Variants in SPAG16 observed in about 807,000 individuals in gnomAD.
SPAG16 encodes the protein sperm-associated antigen 16 protein.
In SPAG16, 86 loss-of-function variants were observed where a neutral mutation model predicts 80.4. The ratio of observed to expected loss-of-function variants is 1.07; its 90% CI spans 0.90 to 1.28. The LOEUF (loss-of-function observed/expected upper bound fraction) is 1.28. Ranked by LOEUF, SPAG16 falls within the 50% of genes most tolerant of loss-of-function variation. The pLI is 0.00. For missense variants in SPAG16, 870 were observed against 765.3 expected, an observed-to-expected ratio of 1.14 and a Z score of -1.61; for synonymous variants, 294 against 265.9, an observed-to-expected ratio of 1.11 and a Z score of -1.03.
chr2:213,328,936 A>T (rs923954586), intron 5 of SPAG16, among the ~76,000 whole-genome samples: 8 of 152,052 alleles, frequency 5.3e-5, no homozygotes, highest in Non-Finnish European at 8.8e-5. Context: ...CCTGATAGGG[A>T]ATAATAAGTC....
intron 10 of SPAG16, among the ~76,000 whole-genome samples, chr2:213,721,388 C>A (rs1239373512): frequency 6.6e-6 from 1 of 152,132 alleles, no homozygotes; most frequent in Admixed American, 6.5e-5. Flanking sequence ...CGTAAGCCAC[C>A]GCGCCTGGCC....
At chr2:214,175,597 C>T (rs1390094650) in intron 15 of SPAG16, among the ~76,000 whole-genome samples, 3 of 151,198 alleles carry the variant, frequency 2.0e-5, no homozygotes, top group African/African-American at 7.3e-5. Context: ...CATGGGAAGA[C>T]ACCTCAAAGC....
intron 14 of SPAG16, among the ~76,000 whole-genome samples, chr2:214,126,535 T>A: frequency 6.6e-6 from 1 of 151,774 alleles, no homozygotes; most frequent in Non-Finnish European, 1.5e-5. Flanking sequence ...ATCAACTTTA[T>A]GTATATAATG....
intron 10 of SPAG16, among the ~76,000 whole-genome samples, chr2:213,577,197 A>AG (rs2060156689): frequency 6.6e-6 from 1 of 152,160 alleles, no homozygotes; most frequent in African/African-American, 2.4e-5. Flanking sequence ...TGAAAGAAAA[A>AG]GGGAATTAAA....
chr2:213,577,665 A>G (rs962834973), intron 10 of SPAG16, among the ~76,000 whole-genome samples: 21 of 152,162 alleles, frequency 1.4e-4, no homozygotes, highest in African/African-American at 4.3e-4. Flanking sequence ...CTCTGATATT[A>G]GTCATTAAAA....
At chr2:213,799,854 T>C (rs1327868143) in intron 10 of SPAG16, among the ~76,000 whole-genome samples, 3 of 150,714 alleles carry the variant, frequency 2.0e-5, no homozygotes, top group Non-Finnish European at 4.4e-5. Context: ...AGGAAACATA[T>C]AACTACTATA....
intron 15 of SPAG16, among the ~76,000 whole-genome samples, chr2:214,370,404 C>A (rs1307543725): frequency 6.6e-6 from 1 of 152,126 alleles, no homozygotes; most frequent in Non-Finnish European, 1.5e-5. Flanking sequence ...CAGCAGTGCT[C>A]ACCATAACAT....
rs543869040 is a variant in SPAG16 at position 214,157,955 on chromosome 2, C to T, written c.1720+8689C>T. On this transcript the variant is annotated intron_variant, in intron 15 of 15. Coordinates refer to ENST00000331683, the MANE Select transcript of SPAG16 (RefSeq NM_024532.5). ...ATACCCACAAATCTTTTCTCTGAGT[C>T]TAGACTGAATTTTCAGAAACATCGA... is the stretch of plus-strand genomic sequence containing the variant. Among the ~76,000 whole-genome samples the T allele has an allele frequency of 3.2e-3, 490 of 152,134 alleles. 1 individual carries two copies. The highest frequency in any genetic ancestry group is 5.2e-3 in the Non-Finnish European group (354 of 67,972).
intron 13 of SPAG16, among the ~76,000 whole-genome samples, chr2:214,067,535 G>A (rs1027788278): frequency 1.3e-5 from 2 of 151,838 alleles, no homozygotes; most frequent in African/African-American, 2.4e-5. Context: ...GGTAATTCAG[G>A]AGAGGTATTA....
intron 15 of SPAG16, among the ~76,000 whole-genome samples, chr2:214,369,695 G>A (rs189202377): frequency 2.0e-5 from 3 of 152,010 alleles, no homozygotes; most frequent in East Asian, 3.9e-4. Flanking sequence ...TAAATCATGA[G>A]GTTATGAACT....
chr2:213,425,230 G>C (rs2069837943), intron 9 of SPAG16, among the ~76,000 whole-genome samples: 1 of 152,202 alleles, frequency 6.6e-6, no homozygotes, highest in South Asian at 2.1e-4. Flanking sequence ...GGCTGAGGCA[G>C]AATGGTGTGA....
intron 10 of SPAG16, among the ~76,000 whole-genome samples, chr2:213,805,631 G>T (rs1257527533): frequency 1.3e-5 from 2 of 152,136 alleles, no homozygotes; most frequent in East Asian, 1.9e-4. Context: ...TAATAGTGTA[G>T]AAAATATTCA....
At chr2:213,872,657 T>C (rs2075998323) in intron 11 of SPAG16, among the ~76,000 whole-genome samples, 1 of 152,110 alleles carries the variant, frequency 6.6e-6, no homozygotes, top group South Asian at 2.1e-4. Flanking sequence ...GACATCCTTG[T>C]CTTATTTTTG....
rs78513530 is a variant in SPAG16, at chr2:213,707,315, T to A, written c.1071-155170T>A. Among the ~76,000 whole-genome samples, 4 of 152,326 alleles carry A rather than the reference T, an allele frequency of 2.6e-5. No homozygotes were observed. The East Asian group carries it at 7.7e-4, about 29-fold the overall frequency. On this transcript the variant is annotated intron_variant, in intron 10 of 15. Coordinates refer to ENST00000331683, the MANE Select transcript of SPAG16 (RefSeq NM_024532.5). ...TTCAAGCCATTAAAAACGTATTTCT[T>A]CAGTTCTTCTAATGCACTACACTGT... is the stretch of plus-strand genomic sequence containing the variant.
intron 15 of SPAG16, among the ~76,000 whole-genome samples, chr2:214,252,125 T>G (rs1690334693): frequency 6.6e-6 from 1 of 152,024 alleles, no homozygotes; most frequent in Non-Finnish European, 1.5e-5. Context: ...TCTGTAAAAA[T>G]AAAAAATGAA....
At chr2:213,298,940 A>G (rs1442554718) in intron 3 of SPAG16, among the ~76,000 whole-genome samples, 1 of 152,186 alleles carries the variant, frequency 6.6e-6, no homozygotes, top group Non-Finnish European at 1.5e-5. Flanking sequence ...TATCATAAGC[A>G]TATTAGTTAT....
chr2:213,372,111 A>T (rs1028725643), intron 8 of SPAG16, among the ~76,000 whole-genome samples: 2 of 150,006 alleles, frequency 1.3e-5, no homozygotes, highest in Non-Finnish European at 3.0e-5. Flanking sequence ...TTTTAGTATT[A>T]CATATTATGA....
intron 13 of SPAG16, among the ~76,000 whole-genome samples, chr2:214,069,546 C>T (rs1229579847): frequency 2.0e-5 from 3 of 152,132 alleles, no homozygotes; most frequent in African/African-American, 7.2e-5. Flanking sequence ...CTGCCTTAAA[C>T]AGAAAGTCAC....
At chr2:213,317,190 A>G (rs1344694837) in intron 4 of SPAG16, 29 bp from the exon 5 acceptor site, 1 of 1,456,462 alleles carries the variant, frequency 6.9e-7, no homozygotes, top group Non-Finnish European at 9.3e-7. Flanking sequence ...AAGAAATGAT[A>G]TAAACCCTTT....
Sources: gnomAD v4.1 joint callset for allele counts (sites outside exome capture counted in the v4.1 genomes callset) on GRCh38, gnomAD v4.1.1 for gene constraint, MANE v1.5 for transcripts, NCBI Gene and HGNC (gene_info 2026-07-23, HGNC 2026-07-21) for gene names.